Variants in CCAR1 observed in about 807,000 individuals in gnomAD.
CCAR1 encodes cell division cycle and apoptosis regulator protein 1.
Under a neutral mutation model 163.8 loss-of-function variants are expected in CCAR1, and 78 were observed. That is an observed-to-expected ratio of 0.48 (90% CI 0.40 to 0.57). The LOEUF is 0.57. Among genes scored for constraint, CCAR1 ranks in the 20% least tolerant of loss-of-function variants. The probability of loss-of-function intolerance (pLI) is 0.00; values close to 1 mark genes in which losing one functional copy is unlikely to be tolerated. For missense variants in CCAR1, 1,019 were observed against 1,365.2 expected (o/e 0.75, Z 4.00); for synonymous variants, 443 against 460.7 (o/e 0.96, Z 0.49).
At chr10:68,727,529 G>C (rs1044582615) in intron 2 of CCAR1, among the ~76,000 whole-genome samples, 1 of 152,044 alleles carries the variant, frequency 6.6e-6, no homozygotes, top group Non-Finnish European at 1.5e-5. Context: ...TCTTCAAAGA[G>C]TTTTAGAATA....
Position 68,734,199 on chromosome 10 carries a change from C to T in CCAR1, c.74-2677C>T, listed in dbSNP as rs1236842182. Among the ~76,000 whole-genome samples, 3 of 151,910 alleles carry T rather than the reference C, an allele frequency of 2.0e-5. No individual in the cohort carries two copies. The East Asian group carries it at 5.8e-4, about 29-fold the overall frequency. ...GGTCGGTTCATTAAAGCTCTTTATT[C>T]TGTTTTTATAAAGCACAAATTGTTC... is the stretch of plus-strand genomic sequence containing the variant. On this transcript the variant is annotated intron_variant, in intron 2 of 24. Coordinates refer to ENST00000265872, the MANE Select transcript of CCAR1 (RefSeq NM_018237.4).
chr10:68,730,587 C>T (rs2056023743), intron 2 of CCAR1, among the ~76,000 whole-genome samples: 1 of 152,072 alleles, frequency 6.6e-6, no homozygotes, highest in East Asian at 1.9e-4. Flanking sequence ...CTGCCCGCCT[C>T]AGTCTCCCAA....
intron 10 of CCAR1, among the ~76,000 whole-genome samples, chr10:68,753,396 A>G (rs1046767032): frequency 6.6e-6 from 1 of 152,210 alleles, no homozygotes; most frequent in African/African-American, 2.4e-5. Context: ...TGCTTGATCT[A>G]GGAACTTACT....
intron 5 of CCAR1, among the ~76,000 whole-genome samples, chr10:68,740,883 TTTTATTTA>T (rs754473259): frequency 0.034 from 4,959 of 144,840 alleles, 103 homozygotes; most frequent in Non-Finnish European, 0.042. Flanking sequence ...TGAGGTTTTA[TTTTATTTA>T]TTTATTTATT....
At chr10:68,761,912 G>A (rs968112113) in intron 16 of CCAR1, among the ~76,000 whole-genome samples, 8 of 152,058 alleles carry the variant, frequency 5.3e-5, no homozygotes, top group Non-Finnish European at 7.4e-5. Context: ...ATGCATATGC[G>A]TTTATTAAGG....
Position 68,789,765 on chromosome 10 carries a change from T to C in CCAR1, c.3243T>C (p.Gly1081=). 2 of 1,605,268 alleles carry C rather than the reference T, an allele frequency of 1.2e-6. No individual in the cohort carries two copies. The highest frequency in any genetic ancestry group is 1.7e-6 in the Non-Finnish European group (2 of 1,176,842). The change falls in exon 24 of 25, where the codon GGT becomes GGC. Residue 1081 remains glycine (G), a synonymous_variant. Transcript: ENST00000265872. ...AGAATTCCAACAAAAGCCTCTCTGG[T>C]GAACTCAGAGAAGTTAAAAAGGACC... ...NLENSNKSLS[G]ELREVKKDLS...
In CCAR1 at chr10:68,745,646, T is replaced by C. The variant is rs150298914; in HGVS notation, c.519-1515T>C. On this transcript the variant is annotated intron_variant, in intron 6 of 24. Coordinates refer to ENST00000265872, the MANE Select transcript of CCAR1 (RefSeq NM_018237.4). ...GCCTGGCTAATTTTTGTATGTTTAG[T>C]AGAGACGGGGTTTCACCATGTTGAC... 5.0e-3 allele frequency among the ~76,000 whole-genome samples: 757 copies of C among 151,828 alleles called. 4 individuals carry two copies. Among genetic ancestry groups the C allele is most frequent in the African/African-American group, 0.018 (725 of 41,382 alleles).
intron 2 of CCAR1, among the ~76,000 whole-genome samples, chr10:68,732,061 A>G (rs2056047137): frequency 6.6e-6 from 1 of 152,192 alleles, no homozygotes; most frequent in South Asian, 2.1e-4. Flanking sequence ...TTTGGCTCTC[A>G]GCACTTCTGC....
At chr10:68,788,915 C>CT (rs796500120) in intron 23 of CCAR1, among the ~76,000 whole-genome samples, 174 of 144,924 alleles carry the variant, frequency 1.2e-3, no homozygotes, top group East Asian at 2.0e-3. Context: ...TCTGGTTCCA[C>CT]TTTTTTTTTT....
At chr10:68,731,707 C>G in intron 2 of CCAR1, among the ~76,000 whole-genome samples, 1 of 150,080 alleles carries the variant, frequency 6.7e-6, no homozygotes, top group East Asian at 2.0e-4. Context: ...ACAAGTGCCT[C>G]AGCCTCAGAA....
Position 68,755,317 on chromosome 10 carries a change from G to T in CCAR1, c.1459-53G>T, listed in dbSNP as rs563298433. On this transcript the variant is annotated intron_variant, in intron 12 of 24. Transcript: ENST00000265872. Reference sequence around the variant, plus strand: ...ACCTTTCCTTCTCAAGTATCTTATTGGTAATTTGACAGGGTGCGTAATATA... The same window carrying T: ...ACCTTTCCTTCTCAAGTATCTTATTTGTAATTTGACAGGGTGCGTAATATA... 41 of 1,459,442 alleles carry T rather than the reference G, an allele frequency of 2.8e-5. No homozygotes were observed. The African/African-American group carries it at 4.7e-4, about 17-fold the overall frequency. The allele number at this position is 1,459,442 out of a possible 1,614,324, so 90.4% of individuals were successfully genotyped here. A position where few individuals can be genotyped will look rare whatever the true frequency, so the allele number is the denominator to read the frequency against.
chr10:68,770,466 C>T (rs930271127), intron 17 of CCAR1, among the ~76,000 whole-genome samples: 3 of 152,018 alleles, frequency 2.0e-5, no homozygotes, highest in South Asian at 2.1e-4. Flanking sequence ...TGGTTGGCTT[C>T]GCGGGGTGGC....
intron 19 of CCAR1, among the ~76,000 whole-genome samples, chr10:68,780,231 T>C (rs75219681): frequency 0.014 from 2,147 of 152,270 alleles, 56 homozygotes; most frequent in African/African-American, 0.048. Flanking sequence ...GACAGTCTTA[T>C]TCTGTTGCCC....
intron 8 of CCAR1, among the ~76,000 whole-genome samples, chr10:68,748,481 T>C (rs1366220868): frequency 2.7e-5 from 4 of 149,444 alleles, no homozygotes; most frequent in African/African-American, 9.8e-5. Context: ...AATTGTGACA[T>C]GTTCTTTTTT....
In CCAR1 at chr10:68,761,159, G is replaced by A; in HGVS notation, c.2073G>A (p.Glu691=). The change falls in exon 16 of 25, where the codon GAG becomes GAA. Residue 691 remains glutamate (E), a synonymous_variant. Coordinates refer to ENST00000265872, the MANE Select transcript of CCAR1 (RefSeq NM_018237.4). ...AGAAATCTGAAAAAGAAGAGGATGA[G>A]GATGATGATAGGAAATCTGAAGACG... ...ELEKSEKEED[E]DDDRKSEDDK... is the part of the protein sequence containing the mutation. 1.2e-6 allele frequency: 2 copies of A among 1,604,326 alleles called. No individual in the cohort carries two copies. Among genetic ancestry groups the A allele is most frequent in the South Asian group, 2.2e-5 (2 of 89,352 alleles).
chr10:68,780,144 G>A (rs1382973761), intron 19 of CCAR1, among the ~76,000 whole-genome samples: 1 of 152,194 alleles, frequency 6.6e-6, no homozygotes, highest in East Asian at 1.9e-4. Flanking sequence ...ATTATATTGT[G>A]AGTATTTTTC....
chr10:68,775,907 G>T (rs151245928), intron 19 of CCAR1, among the ~76,000 whole-genome samples: 1 of 151,986 alleles, frequency 6.6e-6, no homozygotes, highest in East Asian at 1.9e-4. Flanking sequence ...ATGTTGGCCA[G>T]ACTGGTCTCG....
At chr10:68,748,042 C>A (rs1246640554) in intron 8 of CCAR1, among the ~76,000 whole-genome samples, 1 of 152,052 alleles carries the variant, frequency 6.6e-6, no homozygotes, top group South Asian at 2.1e-4. Context: ...TTAGTAGATA[C>A]AGGGTTTCAC....
At chr10:68,774,727 C>T (rs1359153053) in intron 19 of CCAR1, among the ~76,000 whole-genome samples, 1 of 151,842 alleles carries the variant, frequency 6.6e-6, no homozygotes, top group African/African-American at 2.4e-5. Context: ...GTAATAAACA[C>T]CCATATACCT....
Sources: allele counts gnomAD v4.1 joint callset (sites outside exome capture counted in the v4.1 genomes callset), GRCh38; gene constraint gnomAD v4.1.1; transcripts MANE v1.5; gene names NCBI Gene and HGNC (gene_info 2026-07-23, HGNC 2026-07-21).